ZEB1: variants seen among roughly 807,000 people sequenced by gnomAD.
The protein encoded by ZEB1 is zinc finger E-box-binding homeobox 1.
In ZEB1, 21 loss-of-function variants were observed where a neutral mutation model predicts 84.9. That is an observed-to-expected ratio of 0.25 (90% confidence interval 0.18 to 0.36). The LOEUF is 0.36. ZEB1 is among the 10% of genes least tolerant of loss of function. The pLI is 1.00. For missense variants in ZEB1, 1,104 were observed against 1,330.2 expected (o/e 0.83, Z 2.65); for synonymous variants, 420 against 471.1 (o/e 0.89, Z 1.41).
intron 2 of ZEB1, among the ~76,000 whole-genome samples, chr10:31,482,778 T>C (rs2065212964): frequency 1.3e-5 from 2 of 152,014 alleles, no homozygotes; most frequent in African/African-American, 4.8e-5. Flanking sequence ...TTTTCAAAAA[T>C]ATTTTAATAA....
intron 1 of ZEB1, chr10:31,374,706 A>T (rs1481743656): frequency 6.6e-6 from 1 of 151,876 alleles, no homozygotes; most frequent in Non-Finnish European, 1.5e-5. Context: ...GAACTTTTAA[A>T]GTTAATTCTA....
chr10:31,410,495 G>C lies in ZEB1; in HGVS notation c.59-50542G>C, dbSNP rs546362443. ...TTTGTTGTGTATCTACCAGGTTTTGGTATCAGGATGATGCTGGCCTCATAA... is the reference window on the plus strand; with the variant it reads ...TTTGTTGTGTATCTACCAGGTTTTGCTATCAGGATGATGCTGGCCTCATAA... On this transcript the variant is annotated intron_variant, in intron 1 of 8. Transcript: ENST00000424869. Among the ~76,000 whole-genome samples the C allele has an allele frequency of 3.3e-5, 5 of 152,292 alleles. No homozygotes were observed. The South Asian group carries it at 1.0e-3, about 32-fold the overall frequency.
intron 1 of ZEB1, among the ~76,000 whole-genome samples, chr10:31,420,087 A>G (rs1360244034): frequency 1.3e-5 from 2 of 152,108 alleles, no homozygotes; most frequent in Non-Finnish European, 2.9e-5. Flanking sequence ...CCTTTGCTGA[A>G]AATACAGCCA....
chr10:31,445,240 G>A (rs1263394877), intron 1 of ZEB1, among the ~76,000 whole-genome samples: 1 of 148,768 alleles, frequency 6.7e-6, no homozygotes, highest in East Asian at 1.9e-4. Flanking sequence ...GTATAAGAAT[G>A]CTTGTGATTT....
At chr10:31,444,342 A>C (rs2059472537) in intron 1 of ZEB1, among the ~76,000 whole-genome samples, 1 of 145,478 alleles carries the variant, frequency 6.9e-6, no homozygotes, top group Middle Eastern at 3.5e-3. Flanking sequence ...GGTTGCAAAA[A>C]TTTTCTCCCA....
intron 1 of ZEB1, among the ~76,000 whole-genome samples, chr10:31,323,124 A>G (rs1024821657): frequency 6.6e-6 from 1 of 152,110 alleles, no homozygotes; most frequent in Admixed American, 6.5e-5. Flanking sequence ...CTGTTAATTC[A>G]TTCTTGTTTT....
At chr10:31,327,222 C>T (rs914938910) in intron 1 of ZEB1, among the ~76,000 whole-genome samples, 6 of 151,058 alleles carry the variant, frequency 4.0e-5, no homozygotes, top group South Asian at 2.1e-4. Flanking sequence ...GTGATTCTCC[C>T]GCTTCAGCCT....
chr10:31,496,418 A>C (rs2067244243), intron 3 of ZEB1, among the ~76,000 whole-genome samples: 1 of 152,134 alleles, frequency 6.6e-6, no homozygotes, highest in Non-Finnish European at 1.5e-5. Flanking sequence ...AGGTGACTAA[A>C]AAGTACATAT....
chr10:31,456,302 A>G (rs2061218124), intron 1 of ZEB1, among the ~76,000 whole-genome samples: 1 of 152,056 alleles, frequency 6.6e-6, no homozygotes, highest in Non-Finnish European at 1.5e-5. Context: ...GAAATACCTA[A>G]TGTAGGTGAT....
chr10:31,525,731 A>G (rs1263072281), intron 8 of ZEB1, among the ~76,000 whole-genome samples: 3 of 152,186 alleles, frequency 2.0e-5, no homozygotes, highest in Admixed American at 6.5e-5. Context: ...GGATTCATAC[A>G]GTGACACTTG....
intron 2 of ZEB1, among the ~76,000 whole-genome samples, chr10:31,468,795 T>C (rs1398125272): frequency 6.6e-6 from 1 of 151,798 alleles, no homozygotes; most frequent in Non-Finnish European, 1.5e-5. Context: ...CAAATGAAGA[T>C]AAATCCAAAA....
intron 1 of ZEB1, among the ~76,000 whole-genome samples, chr10:31,441,728 CA>C (rs2059019173): frequency 6.6e-6 from 1 of 152,122 alleles, no homozygotes; most frequent in Admixed American, 6.5e-5. Context: ...ACAACCCCAT[CA>C]AAAAGTAGGT....
chr10:31,395,249 T>G (rs2050491511), intron 1 of ZEB1, among the ~76,000 whole-genome samples: 1 of 152,192 alleles, frequency 6.6e-6, no homozygotes, highest in East Asian at 1.9e-4. Context: ...GTTCTTCACC[T>G]CTGAATCTCA....
At chr10:31,394,550 T>A (rs1260973910) in intron 1 of ZEB1, among the ~76,000 whole-genome samples, 1 of 152,234 alleles carries the variant, frequency 6.6e-6, no homozygotes, top group Non-Finnish European at 1.5e-5. Flanking sequence ...CAGTCCTGTC[T>A]CTTGCCCACC....
Position 31,443,572 on chromosome 10 carries a change from C to T in ZEB1, c.59-17465C>T, listed in dbSNP as rs1436249141. 6.6e-5 allele frequency among the ~76,000 whole-genome samples: 8 copies of T among 121,522 alleles called. No homozygotes were observed. In the East Asian group the frequency reaches 2.3e-3, roughly 34 times the overall value. 79.7% of individuals were successfully genotyped at this position (121,522 alleles called of 152,430 possible). Reference sequence around the variant, plus strand: ...TGCTATCCCTCCCCCCTCCCCCCACCCCACAACAGTCCCCAGAGTGTGATA... The same window carrying T: ...TGCTATCCCTCCCCCCTCCCCCCACTCCACAACAGTCCCCAGAGTGTGATA... On this transcript the variant is annotated intron_variant, in intron 1 of 8. Coordinates refer to ENST00000424869, the MANE Select transcript of ZEB1 (RefSeq NM_001174096.2).
chr10:31,353,563 C>T (rs1428706476), intron 1 of ZEB1, among the ~76,000 whole-genome samples: 1 of 152,116 alleles, frequency 6.6e-6, no homozygotes, highest in Non-Finnish European at 1.5e-5. Flanking sequence ...AGGTCAATTC[C>T]AGAATTTGTT....
Position 31,364,499 on chromosome 10 carries a change from G to A in ZEB1, c.58+45207G>A, listed in dbSNP as rs1014958909. On this transcript the variant is annotated intron_variant, in intron 1 of 8. Coordinates refer to ENST00000424869, the MANE Select transcript of ZEB1 (RefSeq NM_001174096.2). ...CAGAGCGCAGGACCAGCCAGATCGC[G>A]CCAGGCTTCCCCGGGGCCTCTCCAG... 7.9e-5 allele frequency among the ~76,000 whole-genome samples: 12 copies of A among 152,286 alleles called. No individual in the cohort carries two copies. The South Asian group carries it at 1.0e-3, about 13-fold the overall frequency.
intron 1 of ZEB1, among the ~76,000 whole-genome samples, chr10:31,444,098 T>C (rs1465157676): frequency 2.6e-5 from 4 of 151,446 alleles, no homozygotes; most frequent in Non-Finnish European, 2.9e-5. Flanking sequence ...TTTTAATGAC[T>C]GCCATTCTAA....
At chr10:31,474,753 C>A (rs1471699797) in intron 2 of ZEB1, among the ~76,000 whole-genome samples, 2 of 152,246 alleles carry the variant, frequency 1.3e-5, no homozygotes, top group South Asian at 4.2e-4. Context: ...TATAAAGACA[C>A]ATGCACACGT....
Sources: allele counts gnomAD v4.1 joint callset (sites outside exome capture counted in the v4.1 genomes callset), GRCh38; gene constraint gnomAD v4.1.1; transcripts MANE v1.5; gene names NCBI Gene and HGNC (gene_info 2026-07-23, HGNC 2026-07-21).